ZNF585B: variants seen among roughly 807,000 people sequenced by gnomAD.
The protein encoded by ZNF585B is zinc finger protein 585B, also known as zinc finger protein 41-like protein.
In ZNF585B, 7 loss-of-function variants were observed where a neutral mutation model predicts 14.0. The observed-to-expected ratio is 0.50, with a 90% confidence interval of 0.28 to 0.94. The LOEUF is 0.94. Ranked by LOEUF, ZNF585B falls within the 40% of genes least tolerant of loss-of-function variation. The probability of loss-of-function intolerance (pLI) is 0.09; values close to 1 mark genes in which losing one functional copy is unlikely to be tolerated. For missense variants in ZNF585B, 750 were observed against 924.4 expected (o/e 0.81, Z 2.45); for synonymous variants, 290 against 317.3 (o/e 0.91, Z 0.91).
intron 2 of ZNF585B, among the ~76,000 whole-genome samples, chr19:37,194,485 T>A (rs1367280327): frequency 1.3e-5 from 2 of 152,088 alleles, no homozygotes; most frequent in Non-Finnish European, 1.5e-5. Flanking sequence ...TGGTGGCGCA[T>A]GCCTGTAATC....
At position 37,186,429 on chromosome 19, in the gene ZNF585B, T is replaced by A. The variant is rs1284744434; in HGVS notation, c.1108A>T (p.Ile370Phe). The A allele has an allele frequency of 6.2e-7, 1 of 1,614,144 alleles. No individual in the cohort carries two copies. Among genetic ancestry groups the A allele is most frequent in the Admixed American group, 1.7e-5 (1 of 60,030 alleles). ...GKAFTYRSEL[I>F]IHQRIHTGEK... ...CCAGTGTGAATTCTCTGATGAATAATCAACTCTGACCTGTAGGTAAAGGCC... is the reference window on the plus strand; with the variant it reads ...CCAGTGTGAATTCTCTGATGAATAAACAACTCTGACCTGTAGGTAAAGGCC... The change falls in exon 5 of 5, where the codon ATT (isoleucine) becomes TTT (phenylalanine). Residue 370 changes from isoleucine to phenylalanine, a missense_variant. Ile to Phe is a conservative substitution (Grantham distance 21, BLOSUM62 0). Transcript: ENST00000532828.
rs550463931 is a variant in ZNF585B, at chr19:37,199,174, C to T, written c.72+7866G>A. On this transcript the variant is annotated intron_variant, in intron 2 of 4. Transcript: ENST00000532828. ...TGTTATCAAGAATTTAGTAGGAACACGAGATGTCATGTTAGGCTGGAATAG... is the reference window on the plus strand; with the variant it reads ...TGTTATCAAGAATTTAGTAGGAACATGAGATGTCATGTTAGGCTGGAATAG... The T allele has an allele frequency of 3.1e-4, 156 of 509,816 alleles. 2 individuals are homozygous for T. The South Asian group carries it at 3.4e-3, about 11-fold the overall frequency. The allele number at this position is 509,816 out of a possible 1,614,324, so 31.6% of individuals were successfully genotyped here. A position where few individuals can be genotyped will look rare whatever the true frequency, so the allele number is the denominator to read the frequency against.
intron 2 of ZNF585B, among the ~76,000 whole-genome samples, chr19:37,192,148 C>T (rs961691805): frequency 9.2e-5 from 14 of 152,096 alleles, no homozygotes; most frequent in African/African-American, 2.9e-4. Flanking sequence ...CCTGAGGACA[C>T]AGAAATGAAT....
In ZNF585B at chr19:37,207,191, G is replaced by C; in HGVS notation, c.-80C>G. 1.3e-6 allele frequency: 2 copies of C among 1,594,006 alleles called. No homozygotes were observed. Among genetic ancestry groups the C allele is most frequent in the Non-Finnish European group, 1.7e-6 (2 of 1,171,958 alleles). On this transcript the variant is annotated 5_prime_UTR_variant, in exon 2 of 5. Transcript: ENST00000532828. ...TCTGTGAACTCAGCAGAGCTGCTCC[G>C]AAGAGGTGGGCTGGAGTCTGGAGGA...
At chr19:37,205,239 G>A (rs777656812) in intron 2 of ZNF585B, among the ~76,000 whole-genome samples, 4 of 151,994 alleles carry the variant, frequency 2.6e-5, no homozygotes, top group Non-Finnish European at 5.9e-5. Flanking sequence ...TTAGCCTCAA[G>A]CTATCCTTCC....
Position 37,186,356 on chromosome 19 carries a change from T to C in ZNF585B, c.1181A>G (p.Lys394Arg). The change falls in exon 5 of 5, where the codon AAG becomes AGG. Residue 394 changes from lysine to arginine, a missense_variant. By Grantham distance (26) the Lys-to-Arg change is conservative. Coordinates refer to ENST00000532828, the MANE Select transcript of ZNF585B (RefSeq NM_152279.4). ...TCTCTGATGCACTGTGAGTGCTGAC[T>C]TCTGAGTGAAGGCTCTCCCACAGTC... ...CSDCGRAFTQ[K>R]SALTVHQRIH... is the part of the protein sequence containing the mutation. The C allele has an allele frequency of 6.2e-7, 1 of 1,614,160 alleles. No homozygotes were observed. The highest frequency in any genetic ancestry group is 8.5e-7 in the Non-Finnish European group (1 of 1,180,022).
Position 37,185,583 on chromosome 19 carries a change from G to A in ZNF585B, c.1954C>T (p.His652Tyr). The A allele has an allele frequency of 6.2e-7, 1 of 1,613,586 alleles. No individual in the cohort carries two copies. The highest frequency in any genetic ancestry group is 8.5e-7 in the Non-Finnish European group (1 of 1,179,856). Reference protein sequence around the residue: ...AFSGRSNLSKHQKTHTGEKPY... With the variant: ...AFSGRSNLSKYQKTHTGEKPY... ...TTTTCTCCGGTATGAGTTTTCTGGT[G>A]CTTACTGAGATTTGACCTGCCACTA... is the stretch of plus-strand genomic sequence containing the variant. The change falls in exon 5 of 5, where the codon CAC becomes TAC. Residue 652 changes from histidine (H) to tyrosine (Y), a missense_variant. This residue lies in a region of ZNF585B where 233 missense variants were observed against 354.1 expected (regional missense o/e 0.66). Transcript: ENST00000532828.
chr19:37,189,193 C>T (rs1972372931), intron 4 of ZNF585B, among the ~76,000 whole-genome samples: 1 of 152,148 alleles, frequency 6.6e-6, no homozygotes, highest in Non-Finnish European at 1.5e-5. Context: ...CCACCTTGGC[C>T]TCCCAAAGTG....
intron 2 of ZNF585B, among the ~76,000 whole-genome samples, chr19:37,199,873 G>T (rs144264308): frequency 6.6e-6 from 1 of 151,254 alleles, no homozygotes; most frequent in Non-Finnish European, 1.5e-5. Flanking sequence ...GACAAACCCC[G>T]TCTCTACTAA....
chr19:37,207,978 T>C (rs193284027), intron 1 of ZNF585B, among the ~76,000 whole-genome samples: 5 of 152,150 alleles, frequency 3.3e-5, no homozygotes, highest in Non-Finnish European at 7.4e-5. Context: ...CCTCACACAA[T>C]ATTTTTTTCT....
In ZNF585B at chr19:37,185,276, C is replaced by A. The variant is rs371447437; in HGVS notation, c.2261G>T (p.Gly754Val). ...KPYKCGICGK[G>V]FVQKSVFSVH... is the part of the protein sequence containing the mutation. The stretch of plus-strand genomic sequence containing the variant: ...ACTGAACACTGATTTCTGAACGAAG[C>A]CTTTCCCACAGATGCCACACTTGTA... The change falls in exon 5 of 5, where the codon GGC (glycine) becomes GTC (valine). Residue 754 changes from glycine to valine, a missense_variant. Gly to Val is a moderately radical substitution (Grantham distance 109). This residue lies in a region of ZNF585B where 233 missense variants were observed against 354.1 expected (regional missense o/e 0.66). Transcript: ENST00000532828. 4.3e-6 allele frequency: 7 copies of A among 1,613,942 alleles called. No individual in the cohort carries two copies. Among genetic ancestry groups the A allele is most frequent in the Non-Finnish European group, 5.9e-6 (7 of 1,179,902 alleles).
chr19:37,194,393 C>A (rs1042684027), intron 2 of ZNF585B, among the ~76,000 whole-genome samples: 4 of 152,130 alleles, frequency 2.6e-5, no homozygotes. Context: ...GCACATGGAC[C>A]ACCTGAGGTG....
rs1972297056 is a variant in ZNF585B, at chr19:37,184,400, GAAAGAAAGAAAGAAAGAGAAAGA to G, written c.*804_*826del. 1 of 49,520 alleles carries G rather than the reference GAAAGAAAGAAAGAAAGAGAAAGA, an allele frequency of 2.0e-5. No homozygotes were observed. The highest frequency in any genetic ancestry group is 2.3e-4 in the Admixed American group (1 of 4,346). The allele number at this position is 49,520 out of a possible 1,614,324, so 3.1% of individuals were successfully genotyped here. Reference sequence around the variant, plus strand: ...AGAAAGAAAGAAAGAAAGAAAGAAAGAAAGAAAGAAAGAAAGAGAAAGAAAGAAAAAGAAAGAAAGAAGGAAAG... The same window carrying G: ...AGAAAGAAAGAAAGAAAGAAAGAAAGAAGAAAAAGAAAGAAAGAAGGAAAG... On this transcript the variant is annotated 3_prime_UTR_variant, in exon 5 of 5. Coordinates refer to ENST00000532828, the MANE Select transcript of ZNF585B (RefSeq NM_152279.4).
chr19:37,194,829 C>A (rs1423959157), intron 2 of ZNF585B, among the ~76,000 whole-genome samples: 3 of 152,034 alleles, frequency 2.0e-5, no homozygotes, highest in Admixed American at 2.0e-4. Flanking sequence ...ATACCCTAGG[C>A]TATAAAACCA....
chr19:37,183,390 T>C lies in ZNF585B; in HGVS notation c.*1837A>G, dbSNP rs529585450. 1 of 152,150 alleles carries C rather than the reference T, an allele frequency of 6.6e-6. No homozygotes were observed. The highest frequency in any genetic ancestry group is 2.1e-4 in the South Asian group (1 of 4,808). 9.4% of individuals were successfully genotyped at this position (152,150 alleles called of 1,614,324 possible). A position where few individuals can be genotyped will look rare whatever the true frequency, so the allele number is the denominator to read the frequency against. ...CATGGGTCAACTCTCCACAGGTGCA[T>C]TTATGGAATGCCTGCTGTATGGCAG... On this transcript the variant is annotated 3_prime_UTR_variant, in exon 5 of 5. Transcript: ENST00000532828.
rs564102840 is a variant in ZNF585B, at chr19:37,189,752, C to A, written c.201G>T (p.Gly67=). 3.7e-6 allele frequency: 6 copies of A among 1,614,106 alleles called. No individual in the cohort carries two copies. In the Admixed American group the frequency reaches 6.7e-5, roughly 18 times the overall value. ...LETYSHLLSV[G]YQVPKPEVVM... ...CCACCTCTGGTTTAGGAACTTGATA[C>A]CCTGTTCATGGGAAATGATAAAGGT... is the stretch of plus-strand genomic sequence containing the variant. The change falls in exon 4 of 5, where the codon GGG becomes GGT. Residue 67 remains glycine (G), a splice_region_variant and synonymous_variant. Transcript: ENST00000532828.
chr19:37,209,490 A>C (rs771553032), intron 1 of ZNF585B, among the ~76,000 whole-genome samples: 3 of 152,184 alleles, frequency 2.0e-5, no homozygotes, highest in Non-Finnish European at 4.4e-5. Flanking sequence ...AGGTGGACAA[A>C]TAACTTTTCC....
intron 2 of ZNF585B, among the ~76,000 whole-genome samples, chr19:37,202,640 G>GTTTTT (rs74179495): frequency 1.5e-5 from 2 of 137,772 alleles, no homozygotes; most frequent in South Asian, 2.2e-4. Context: ...TATTTGCATG[G>GTTTTT]TTTTTTTTTT....
In ZNF585B at chr19:37,207,238, C is replaced by A. The variant is rs1336465949; in HGVS notation, c.-127G>T. Reference sequence around the variant, plus strand: ...AGGAAGGTCTGGCCCAGGGACTCCCCAGAGACACCCAAGAACCTAGAAAAA... The same window carrying A: ...AGGAAGGTCTGGCCCAGGGACTCCCAAGAGACACCCAAGAACCTAGAAAAA... On this transcript the variant is annotated 5_prime_UTR_variant, in exon 2 of 5. Coordinates refer to ENST00000532828, the MANE Select transcript of ZNF585B (RefSeq NM_152279.4). 1 of 1,501,972 alleles carries A rather than the reference C, an allele frequency of 6.7e-7. No individual in the cohort carries two copies. Among genetic ancestry groups the A allele is most frequent in the East Asian group, 2.4e-5 (1 of 41,312 alleles). 93.0% of individuals were successfully genotyped at this position (1,501,972 alleles called of 1,614,324 possible). A position where few individuals can be genotyped will look rare whatever the true frequency, so the allele number is the denominator to read the frequency against.
Sources: gnomAD v4.1 joint callset for allele counts (sites outside exome capture counted in the v4.1 genomes callset) on GRCh38, gnomAD v4.1.1 for gene constraint, gnomAD v4.1.1 regional missense constraint, MANE v1.5 for transcripts, NCBI Gene and HGNC (gene_info 2026-07-23, HGNC 2026-07-21) for gene names.